PDE9A: variants seen among roughly 807,000 people sequenced by gnomAD.
The protein encoded by PDE9A is phosphodiesterase 9A, also known as high affinity cGMP-specific 3',5'-cyclic phosphodiesterase 9A.
PDE9A carries 60 observed loss-of-function variants against 87.4 expected under a neutral mutation model. That is an observed-to-expected ratio of 0.69 (90% CI 0.56 to 0.85). The LOEUF (loss-of-function observed/expected upper bound fraction) is 0.85, where lower values mean the gene tolerates loss of function less well. Ranked by LOEUF, PDE9A falls within the 40% of genes least tolerant of loss-of-function variation. PDE9A has a pLI of 0.00. For synonymous variants in PDE9A, 272 were observed against 279.4 expected (o/e 0.97, Z 0.27); for missense variants, 665 against 779.0 (o/e 0.85, Z 1.74).
chr21:42,724,501 T>C, intron 4 of PDE9A: 1 of 590,872 alleles, frequency 1.7e-6, no homozygotes, highest in South Asian at 7.5e-5. Flanking sequence ...TGTTTGTGGA[T>C]GCGTGGGTGT....
chr21:42,686,228 A>G lies in PDE9A; in HGVS notation c.106A>G (p.Met36Val). Residue 36 changes from methionine to valine, a missense_variant, in exon 2 of 20, where the codon ATG (methionine) becomes GTG (valine). Coordinates refer to ENST00000291539, the MANE Select transcript of PDE9A (RefSeq NM_002606.3). ...FSKYCNSSDI[M>V]DLFCIATGLP... ...CAAGTACTGCAACTCCAGCGACATC[A>G]TGGACCTGTTCTGCATCGCCACCGG... 6.2e-7 allele frequency: 1 copy of G among 1,613,832 alleles called. No individual in the cohort carries two copies. The highest frequency in any genetic ancestry group is 2.2e-5 in the East Asian group (1 of 44,856).
intron 4 of PDE9A, among the ~76,000 whole-genome samples, chr21:42,707,155 T>C (rs763751165): frequency 1.3e-5 from 2 of 152,164 alleles, no homozygotes; most frequent in African/African-American, 2.4e-5. Context: ...TTGAGGTACA[T>C]TGGATTAAAT....
Position 42,725,869 on chromosome 21 carries a change from A to G in PDE9A, c.263-5901A>G, listed in dbSNP as rs1004621116. 7.9e-5 allele frequency among the ~76,000 whole-genome samples: 12 copies of G among 152,224 alleles called. No homozygotes were observed. In the East Asian group the frequency reaches 1.7e-3, roughly 22 times the overall value. On this transcript the variant is annotated intron_variant, in intron 4 of 19. Transcript: ENST00000291539. ...ATCATCTCTCTGCCCTGGTGCTTGCATCTTTAGTTGGTTTTTTCTGTCTTT... is the reference window on the plus strand; with the variant it reads ...ATCATCTCTCTGCCCTGGTGCTTGCGTCTTTAGTTGGTTTTTTCTGTCTTT...
At position 42,739,174 on chromosome 21, in the gene PDE9A, C is replaced by G. The variant is rs2052816725; in HGVS notation, c.569-4602C>G. 6.6e-6 allele frequency among the ~76,000 whole-genome samples: 1 copy of G among 152,198 alleles called. No homozygotes were observed. Among genetic ancestry groups the G allele is most frequent in the African/African-American group, 2.4e-5 (1 of 41,460 alleles). On this transcript the variant is annotated intron_variant, in intron 7 of 19. Coordinates refer to ENST00000291539, the MANE Select transcript of PDE9A (RefSeq NM_002606.3). This position sits in a 1 kb window ranked among gnomAD's most constrained non-coding sequence, Gnocchi z 4.1. The stretch of plus-strand genomic sequence containing the variant: ...TTTGGTTTGTGGTGCGTGGTCTGTG[C>G]CCGCCTGTGTTCAGCGTTTGAAGGC...
chr21:42,712,068 C>CAAA (rs60923158), intron 4 of PDE9A, among the ~76,000 whole-genome samples: 26 of 147,018 alleles, frequency 1.8e-4, no homozygotes, highest in African/African-American at 5.9e-4. Context: ...TTGTCAATTT[C>CAAA]AAAAAAAAAA....
At position 42,668,895 on chromosome 21, in the gene PDE9A, T is replaced by TCCCCC. The variant is rs1229611821; in HGVS notation, c.69+15014_69+15015insCCCCC. Among the ~76,000 whole-genome samples, 306 of 99,224 alleles carry TCCCCC rather than the reference T, an allele frequency of 3.1e-3. 2 individuals are homozygous for TCCCCC. The highest frequency in any genetic ancestry group is 0.016 in the African/African-American group (276 of 17,624). The allele number at this position is 99,224 out of a possible 152,430, so 65.1% of individuals were successfully genotyped here. A position where few individuals can be genotyped will look rare whatever the true frequency, so the allele number is the denominator to read the frequency against. On this transcript the variant is annotated intron_variant, in intron 1 of 19. Coordinates refer to ENST00000291539, the MANE Select transcript of PDE9A (RefSeq NM_002606.3). ...CCCACGGATTATCAGAGCTGCTCCCTCCACCCCCCGCCACGTCCCACGCGG... is the reference window on the plus strand; with the variant it reads ...CCCACGGATTATCAGAGCTGCTCCCTCCCCCCCACCCCCCGCCACGTCCCACGCGG...
chr21:42,710,686 G>T (rs1447023755), intron 4 of PDE9A, among the ~76,000 whole-genome samples: 1 of 152,124 alleles, frequency 6.6e-6, no homozygotes, highest in Non-Finnish European at 1.5e-5. Flanking sequence ...TGTAGTGTCT[G>T]TTCAACAATA....
At chr21:42,766,036 C>T (rs2056366034) in intron 15 of PDE9A, among the ~76,000 whole-genome samples, 1 of 152,212 alleles carries the variant, frequency 6.6e-6, no homozygotes, top group Non-Finnish European at 1.5e-5. Context: ...ACTGGGCACA[C>T]CAAGGCACAC....
chr21:42,768,036 G>C, intron 15 of PDE9A, 152 bp from the exon 16 acceptor site: 1 of 621,876 alleles, frequency 1.6e-6, no homozygotes, highest in Non-Finnish European at 2.9e-6. Context: ...TGAGAAGGGA[G>C]CCTGTCCTCC....
chr21:42,765,788 A>G (rs1181996261), intron 15 of PDE9A, among the ~76,000 whole-genome samples: 1 of 152,210 alleles, frequency 6.6e-6, no homozygotes, highest in Non-Finnish European at 1.5e-5. Context: ...CTTTCCAGAG[A>G]ATAAAACCAG....
chr21:42,743,982 G>A (rs1459365056), intron 8 of PDE9A, 122 bp downstream of exon 8: 7 of 652,384 alleles, frequency 1.1e-5, no homozygotes, highest in Non-Finnish European at 1.4e-5. Context: ...TACAGTTCAG[G>A]CTTGGGAGAG....
intron 17 of PDE9A, 145 bp downstream of exon 17, chr21:42,769,300 CATACAGGCACAT>C (rs2056697321): frequency 4.4e-6 from 3 of 685,320 alleles, no homozygotes; most frequent in Non-Finnish European, 7.3e-6. Context: ...CACAGACGCA[CATACAGGCACAT>C]ACACATATAC....
At chr21:42,703,663 G>A (rs979256973) in intron 4 of PDE9A, among the ~76,000 whole-genome samples, 5 of 152,126 alleles carry the variant, frequency 3.3e-5, no homozygotes, top group Non-Finnish European at 5.9e-5. Flanking sequence ...AAGGAAGTTG[G>A]AACCAGCTGT....
chr21:42,665,580 C>T (rs535046977), intron 1 of PDE9A, among the ~76,000 whole-genome samples: 1 of 152,190 alleles, frequency 6.6e-6, no homozygotes, highest in Non-Finnish European at 1.5e-5. Context: ...TGGCCACCCC[C>T]GACCTTGCTC....
At chr21:42,719,623 G>A (rs1023872507) in intron 4 of PDE9A, among the ~76,000 whole-genome samples, 1 of 136,600 alleles carries the variant, frequency 7.3e-6, no homozygotes, top group Admixed American at 7.6e-5. Context: ...CTGGGTGACA[G>A]AGTGAGAGTC....
chr21:42,728,666 T>TC (rs1337266318), intron 4 of PDE9A, among the ~76,000 whole-genome samples: 3 of 152,170 alleles, frequency 2.0e-5, no homozygotes, highest in African/African-American at 7.2e-5. Flanking sequence ...TTGTTGTTTT[T>TC]CCTTGTCTGC....
chr21:42,667,017 C>A (rs571098664), intron 1 of PDE9A, among the ~76,000 whole-genome samples: 1 of 152,350 alleles, frequency 6.6e-6, no homozygotes, highest in African/African-American at 2.4e-5. Flanking sequence ...CCCACTCCCC[C>A]CCGCCCCAAC....
intron 13 of PDE9A, among the ~76,000 whole-genome samples, chr21:42,761,847 T>C (rs1205827665): frequency 6.6e-6 from 1 of 152,058 alleles, no homozygotes; most frequent in Non-Finnish European, 1.5e-5. Flanking sequence ...AGCATGCCGC[T>C]TCCTCAGAGG....
At chr21:42,668,103 C>G (rs960134836) in intron 1 of PDE9A, among the ~76,000 whole-genome samples, 2 of 152,136 alleles carry the variant, frequency 1.3e-5, no homozygotes, top group African/African-American at 4.8e-5. Flanking sequence ...TCTTTTCACC[C>G]ATGTCCAGCC....
Sources: gnomAD v4.1 joint callset for allele counts (sites outside exome capture counted in the v4.1 genomes callset) on GRCh38, gnomAD v4.1.1 for gene constraint, Gnocchi (gnomAD v3.1) non-coding constraint, MANE v1.5 for transcripts, NCBI Gene and HGNC (gene_info 2026-07-23, HGNC 2026-07-21) for gene names.